LAMA2: variants seen among roughly 807,000 people sequenced by gnomAD.
LAMA2 encodes laminin subunit alpha-2.
In LAMA2, 269 loss-of-function variants were observed where a neutral mutation model predicts 364.8. The observed-to-expected ratio is 0.74, with a 90% confidence interval of 0.67 to 0.82. The LOEUF (loss-of-function observed/expected upper bound fraction) is 0.82, where lower values mean the gene tolerates loss of function less well. LAMA2 is among the 40% of genes least tolerant of loss of function. LAMA2 has a pLI of 0.00. For synonymous variants in LAMA2, 1,379 were observed against 1,370.6 expected, an observed-to-expected ratio of 1.01 and a Z score of -0.14; for missense variants, 3,807 against 3,873.2, an observed-to-expected ratio of 0.98 and a Z score of 0.45.
At chr6:129,356,454 C>T (rs111605000) in intron 32 of LAMA2, among the ~76,000 whole-genome samples, 1 of 152,076 alleles carries the variant, frequency 6.6e-6, no homozygotes, top group South Asian at 2.1e-4. Context: ...GCATTTTACA[C>T]GTGGTTCTTT....
At chr6:129,445,972 G>A (rs978871433) in intron 45 of LAMA2, 151 bp downstream of exon 45, 10 of 688,580 alleles carry the variant, frequency 1.5e-5, no homozygotes, top group African/African-American at 7.2e-5. Context: ...GTTGGAGTGG[G>A]GGAGAGGTTA....
At chr6:128,913,297 ATTAAT>A (rs1778102923) in intron 1 of LAMA2, among the ~76,000 whole-genome samples, 1 of 152,136 alleles carries the variant, frequency 6.6e-6, no homozygotes, top group Non-Finnish European at 1.5e-5. Context: ...TTCAAATGTG[ATTAAT>A]TTAGCCCATG....
intron 4 of LAMA2, among the ~76,000 whole-genome samples, chr6:129,106,725 A>G (rs1324304530): frequency 6.6e-6 from 1 of 152,010 alleles, no homozygotes; most frequent in African/African-American, 2.4e-5. Flanking sequence ...ACACACACAT[A>G]AAATACATAA....
rs530383191 is a variant in LAMA2, at chr6:129,188,961, A to G, written c.1468-1244A>G. Among the ~76,000 whole-genome samples, 25 of 152,130 alleles carry G rather than the reference A, an allele frequency of 1.6e-4. No homozygotes were observed. In the East Asian group the frequency reaches 4.3e-3, roughly 26 times the overall value. ...AAAGTGTTTTTATTCAGCTCGTACT[A>G]TGCGTATAGCACTTTGCTATGCATG... On this transcript the variant is annotated intron_variant, in intron 10 of 64. Transcript: ENST00000421865.
chr6:129,026,621 T>C (rs933149792), intron 1 of LAMA2, among the ~76,000 whole-genome samples: 8 of 152,190 alleles, frequency 5.3e-5, no homozygotes, highest in Non-Finnish European at 5.9e-5. Flanking sequence ...AGAAGTATAT[T>C]TCATGTGAGT....
At chr6:129,450,835 G>A (rs1460965685) in intron 45 of LAMA2, among the ~76,000 whole-genome samples, 1 of 152,196 alleles carries the variant, frequency 6.6e-6, no homozygotes, top group Non-Finnish European at 1.5e-5. Context: ...ATTCCAGTCA[G>A]ATCTTGATTT....
At chr6:129,320,272 G>A (rs1481106984) in intron 27 of LAMA2, among the ~76,000 whole-genome samples, 2 of 152,174 alleles carry the variant, frequency 1.3e-5, no homozygotes, top group East Asian at 3.8e-4. Flanking sequence ...AGAGGAGGAG[G>A]AAGAAGAGGA....
chr6:129,150,660 T>G (rs1778736894), intron 7 of LAMA2, among the ~76,000 whole-genome samples: 1 of 152,228 alleles, frequency 6.6e-6, no homozygotes, highest in Non-Finnish European at 1.5e-5. Flanking sequence ...AAACACTTTT[T>G]TTCTTTCCCT....
chr6:129,066,038 GTTTTTTTTTTTT>G (rs544271722), intron 3 of LAMA2, among the ~76,000 whole-genome samples: 26 of 37,120 alleles, frequency 7.0e-4, no homozygotes, highest in Middle Eastern at 0.024. Flanking sequence ...CCAGTCTCAG[GTTTTTTTTTTTT>G]TTTTTTTTTT....
At chr6:128,897,908 G>A (rs1298778335) in intron 1 of LAMA2, among the ~76,000 whole-genome samples, 7 of 152,170 alleles carry the variant, frequency 4.6e-5, no homozygotes, top group African/African-American at 1.7e-4. Context: ...AAGCAGCGCA[G>A]CACTTTTGAA....
intron 12 of LAMA2, among the ~76,000 whole-genome samples, chr6:129,248,755 G>A (rs1785952606): frequency 1.3e-5 from 2 of 152,002 alleles, no homozygotes; most frequent in African/African-American, 4.8e-5. Flanking sequence ...TGCCTTTCTA[G>A]AATCCTTTTA....
chr6:128,915,725 A>G, intron 1 of LAMA2, among the ~76,000 whole-genome samples: 1 of 152,192 alleles, frequency 6.6e-6, no homozygotes, highest in East Asian at 1.9e-4. Flanking sequence ...TTGTATCACA[A>G]TTTGGAATGA....
At chr6:129,070,220 A>T (rs1246290392) in intron 3 of LAMA2, among the ~76,000 whole-genome samples, 1 of 152,074 alleles carries the variant, frequency 6.6e-6, no homozygotes, top group Non-Finnish European at 1.5e-5. Context: ...GGATAAAGTG[A>T]TGTGTTATAG....
intron 1 of LAMA2, among the ~76,000 whole-genome samples, chr6:128,883,801 T>TACACACAC (rs71543146): frequency 1.0e-4 from 14 of 136,034 alleles, no homozygotes; most frequent in East Asian, 8.2e-4. Context: ...TATATATATA[T>TACACACAC]ACACACACAC....
In LAMA2 at chr6:129,050,047, C is replaced by T. The variant is rs757039606; in HGVS notation, c.242C>T (p.Pro81Leu). 9.3e-6 allele frequency: 15 copies of T among 1,613,996 alleles called. No homozygotes were observed. The highest frequency in any genetic ancestry group is 6.6e-5 in the South Asian group (6 of 91,092). The change falls in exon 2 of 65, where the codon CCG becomes CTG. Residue 81 changes from proline to leucine, a missense_variant. Transcript: ENST00000421865. ...EHVPGQPVRN[P>L]QCRICNQNSS... ...GTCCCTGGGCAGCCTGTGAGGAACC[C>T]GCAGTGTCGAATCTGCAATCAAAAC...
intron 4 of LAMA2, among the ~76,000 whole-genome samples, chr6:129,124,164 G>A (rs1170795324): frequency 6.6e-6 from 1 of 152,070 alleles, no homozygotes; most frequent in Non-Finnish European, 1.5e-5. Flanking sequence ...TCGTATCTTG[G>A]TTAATAGTTG....
In LAMA2 at chr6:128,991,430, G is replaced by A. The variant is rs569026409; in HGVS notation, c.113-58488G>A. ...GAAAGCGATTCAATCTATTATGGAAGCAGAAACATCTTCCTATTTGCTTTA... is the reference window on the plus strand; with the variant it reads ...GAAAGCGATTCAATCTATTATGGAAACAGAAACATCTTCCTATTTGCTTTA... On this transcript the variant is annotated intron_variant, in intron 1 of 64. Coordinates refer to ENST00000421865, the MANE Select transcript of LAMA2 (RefSeq NM_000426.4). Among the ~76,000 whole-genome samples the A allele has an allele frequency of 4.6e-5, 7 of 152,262 alleles. No homozygotes were observed. The East Asian group carries it at 5.8e-4, about 13-fold the overall frequency.
At chr6:129,017,091 A>G (rs1007929304) in intron 1 of LAMA2, among the ~76,000 whole-genome samples, 1 of 151,968 alleles carries the variant, frequency 6.6e-6, no homozygotes, top group Non-Finnish European at 1.5e-5. Context: ...CCAGAACTAC[A>G]TTTAAATGCA....
At chr6:129,427,627 A>G (rs1223257264) in intron 40 of LAMA2, 125 bp from the exon 41 acceptor site, 1 of 732,252 alleles carries the variant, frequency 1.4e-6, no homozygotes, top group Non-Finnish European at 2.5e-6. Context: ...AATAATTTAC[A>G]ATTCTATATC....
Sources: gnomAD v4.1 joint callset for allele counts (sites outside exome capture counted in the v4.1 genomes callset) on GRCh38, gnomAD v4.1.1 for gene constraint, MANE v1.5 for transcripts, NCBI Gene and HGNC (gene_info 2026-07-23, HGNC 2026-07-21) for gene names.